The following CSNK1G2 variants were observed in gnomAD, a reference collection of about 807,000 sequenced individuals.
CSNK1G2 encodes casein kinase 1 gamma 2.
A neutral mutation model predicts 48.0 loss-of-function variants in CSNK1G2; 11 were observed. That is an observed-to-expected ratio of 0.23 (90% CI 0.14 to 0.38). The LOEUF is 0.38. Ranked by LOEUF, CSNK1G2 falls within the 10% of genes least tolerant of loss-of-function variation. The pLI is 1.00. For missense variants in CSNK1G2, 446 were observed against 595.5 expected, an observed-to-expected ratio of 0.75 and a Z score of 2.61; for synonymous variants, 337 against 254.1, an observed-to-expected ratio of 1.33 and a Z score of -3.10.
intron 1 of CSNK1G2, among the ~76,000 whole-genome samples, chr19:1,947,116 C>G (rs536400203): frequency 6.6e-6 from 1 of 152,162 alleles, no homozygotes; most frequent in Non-Finnish European, 1.5e-5. Flanking sequence ...AGCGGTGTTT[C>G]GTTGATGCGT....
chr19:1,975,221 C>A (rs763254443), intron 2 of CSNK1G2: 2 of 985,376 alleles, frequency 2.0e-6, no homozygotes, highest in Non-Finnish European at 2.4e-6. Flanking sequence ...CTGGGGAGGA[C>A]GTTGGCGAGC....
At chr19:1,943,011 C>G (rs1282409242) in intron 1 of CSNK1G2, among the ~76,000 whole-genome samples, 1 of 152,118 alleles carries the variant, frequency 6.6e-6, no homozygotes, top group African/African-American at 2.4e-5. Flanking sequence ...GCTCTGAGAG[C>G]CGCTCCTGCA....
rs142427867 is a variant in CSNK1G2, at chr19:1,956,748, C to T, written c.-265-12760C>T. 6.1e-3 allele frequency among the ~76,000 whole-genome samples: 930 copies of T among 152,136 alleles called. 9 individuals are homozygous for T. Among genetic ancestry groups the T allele is most frequent in the African/African-American group, 0.021 (892 of 41,504 alleles). ...GGTTACAGACTCCAGCATCGGGACA[C>T]GGGGCCGTGGGTCATACCCACATCC... On this transcript the variant is annotated intron_variant, in intron 1 of 11. Coordinates refer to ENST00000255641, the MANE Select transcript of CSNK1G2 (RefSeq NM_001319.7).
At chr19:1,953,586 C>CTTA (rs2014866061) in intron 1 of CSNK1G2, 3 of 467,476 alleles carry the variant, frequency 6.4e-6, no homozygotes, top group Non-Finnish European at 1.3e-5. Context: ...TGGTGTTTGC[C>CTTA]TTATGTGTCC....
In CSNK1G2 at chr19:1,958,800, C is replaced by T. The variant is rs770933059; in HGVS notation, c.-265-10708C>T. ...GTCCCCCTGTCCCCCCATCCAGGGC[C>T]GCAGCAGCCCAGCTCTCCCAGGCAC... On this transcript the variant is annotated intron_variant, in intron 1 of 11. Coordinates refer to ENST00000255641, the MANE Select transcript of CSNK1G2 (RefSeq NM_001319.7). Among the ~76,000 whole-genome samples the T allele has an allele frequency of 5.1e-3, 331 of 64,952 alleles. 3 individuals are homozygous for T. Among genetic ancestry groups the T allele is most frequent in the Middle Eastern group, 9.6e-3 (1 of 104 alleles). The allele number at this position is 64,952 out of a possible 152,430, so 42.6% of individuals were successfully genotyped here. A position where few individuals can be genotyped will look rare whatever the true frequency, so the allele number is the denominator to read the frequency against.
chr19:1,960,252 G>A (rs1321754985), intron 1 of CSNK1G2, among the ~76,000 whole-genome samples: 2 of 152,200 alleles, frequency 1.3e-5, no homozygotes, highest in African/African-American at 2.4e-5. Context: ...AGGTCCCCCG[G>A]ATGGCGCCTG....
rs138558858 is a variant in CSNK1G2 at position 1,979,263 on chromosome 19, C to G, written c.768+15C>G. ...AGGGGCTCAAGGTGGGCGAGGAGGC[C>G]GGGCAGGCGGGCGGGGACGCAGGGC... On this transcript the variant is annotated intron_variant, in intron 7 of 11. Coordinates refer to ENST00000255641, the MANE Select transcript of CSNK1G2 (RefSeq NM_001319.7). 2 of 1,562,788 alleles carry G rather than the reference C, an allele frequency of 1.3e-6. No individual in the cohort carries two copies. Among genetic ancestry groups the G allele is most frequent in the African/African-American group, 2.7e-5 (2 of 73,844 alleles).
chr19:1,978,658 C>G lies in CSNK1G2; in HGVS notation c.355C>G (p.Leu119Val). The G allele has an allele frequency of 3.7e-6, 6 of 1,606,974 alleles. No homozygotes were observed. Among genetic ancestry groups the G allele is most frequent in the Non-Finnish European group, 5.1e-6 (6 of 1,177,108 alleles). ...GPCGKYNAMV[L>V]ELLGPSLEDL... The stretch of plus-strand genomic sequence containing the variant: ...GTGCGGGAAGTACAACGCCATGGTG[C>G]TGGAGCTGCTGGGGCCCAGCCTGGA... Residue 119 changes from leucine (L) to valine (V), a missense_variant, in exon 5 of 12, where the codon CTG (leucine) becomes GTG (valine). Leu to Val is a conservative substitution (Grantham distance 32). This residue lies in a region of CSNK1G2 where 258 missense variants were observed against 415.9 expected (regional missense o/e 0.62). Coordinates refer to ENST00000255641, the MANE Select transcript of CSNK1G2 (RefSeq NM_001319.7). The surrounding 1 kb of genome is among the most constrained non-coding windows in gnomAD (Gnocchi z 7.3).
In CSNK1G2 at chr19:1,969,534, G is replaced by A; in HGVS notation, c.-239G>A. ...TGTGAGCCGTGAGCTTTGAGGCGGTGGGATGTGTCAGCAGAATGTCTCCTG... is the reference window on the plus strand; with the variant it reads ...TGTGAGCCGTGAGCTTTGAGGCGGTAGGATGTGTCAGCAGAATGTCTCCTG... On this transcript the variant is annotated 5_prime_UTR_variant, in exon 2 of 12. Transcript: ENST00000255641. 2.9e-6 allele frequency: 1 copy of A among 350,614 alleles called. No homozygotes were observed. Among genetic ancestry groups the A allele is most frequent in the Non-Finnish European group, 5.1e-6 (1 of 195,552 alleles). The allele number at this position is 350,614 out of a possible 1,614,324, so 21.7% of individuals were successfully genotyped here. A position where few individuals can be genotyped will look rare whatever the true frequency, so the allele number is the denominator to read the frequency against.
Position 1,979,761 on chromosome 19 carries a change from A to G in CSNK1G2, c.1012A>G (p.Ile338Val), listed in dbSNP as rs769126067. ...GCTCCCTCACCCACAGCCGACCCCC[A>G]TCGGCACCGTCCACACCGACCTGCC... is the stretch of plus-strand genomic sequence containing the variant. ...DWAGKPLPTP[I>V]GTVHTDLPSQ... The change falls in exon 10 of 12, where the codon ATC (isoleucine) becomes GTC (valine). Residue 338 changes from isoleucine (I) to valine (V), a missense_variant. Around this residue, in one of 2 missense-constraint regions of CSNK1G2, gnomAD observed 188 missense variants for 179.6 expected, o/e 1.05. Transcript: ENST00000255641. 4 of 1,605,992 alleles carry G rather than the reference A, an allele frequency of 2.5e-6. No homozygotes were observed. Among genetic ancestry groups the G allele is most frequent in the East Asian group, 4.5e-5 (2 of 44,778 alleles).
intron 1 of CSNK1G2, among the ~76,000 whole-genome samples, chr19:1,943,155 ATGT>A (rs1204291786): frequency 6.6e-6 from 1 of 152,070 alleles, no homozygotes; most frequent in Non-Finnish European, 1.5e-5. Context: ...ATGGGGTGAG[ATGT>A]TGGAGGAGCT....
At chr19:1,973,605 T>G (rs1316935264) in intron 2 of CSNK1G2, among the ~76,000 whole-genome samples, 1 of 152,268 alleles carries the variant, frequency 6.6e-6, no homozygotes, top group African/African-American at 2.4e-5. Context: ...TCTGCCTCTG[T>G]GCTCTCCTGG....
At chr19:1,962,433 G>A (rs561587437) in intron 1 of CSNK1G2, among the ~76,000 whole-genome samples, 3 of 152,164 alleles carry the variant, frequency 2.0e-5, no homozygotes, top group East Asian at 1.9e-4. Flanking sequence ...TTGGGAGGCC[G>A]AGGAGGGAGG....
chr19:1,949,445 C>T (rs759150633), intron 1 of CSNK1G2, among the ~76,000 whole-genome samples: 21 of 152,248 alleles, frequency 1.4e-4, no homozygotes, highest in Non-Finnish European at 2.5e-4. Context: ...GTGACACCCT[C>T]GGTGCATCCG....
rs2015984302 is a variant in CSNK1G2 at position 1,981,316 on chromosome 19, A to G, written c.*1113A>G. 1 of 152,182 alleles carries G rather than the reference A, an allele frequency of 6.6e-6. No individual in the cohort carries two copies. The highest frequency in any genetic ancestry group is 2.4e-5 in the African/African-American group (1 of 41,434). 9.4% of individuals were successfully genotyped at this position (152,182 alleles called of 1,614,324 possible). ...TAGAATTTAGGGGCTTTTTTAAAAA[A>G]ATAAAAGAAAAATGAAACCAAACCC... is the stretch of plus-strand genomic sequence containing the variant. On this transcript the variant is annotated 3_prime_UTR_variant, in exon 12 of 12. Coordinates refer to ENST00000255641, the MANE Select transcript of CSNK1G2 (RefSeq NM_001319.7).
Position 1,979,155 on chromosome 19 carries a change from C to T in CSNK1G2, c.683-8C>T, listed in dbSNP as rs951919122. The T allele has an allele frequency of 4.6e-6, 7 of 1,528,616 alleles. No individual in the cohort carries two copies. The South Asian group carries it at 4.9e-5, about 11-fold the overall frequency. The allele number at this position is 1,528,616 out of a possible 1,614,324, so 94.7% of individuals were successfully genotyped here. On this transcript the variant is annotated splice_polypyrimidine_tract_variant and splice_region_variant and intron_variant, in intron 6 of 11. Transcript: ENST00000255641. ...GACCCCGCTGAGGCTGCGCCCCTGT[C>T]CCCGCAGAGCAGAGCCGCCGCGACG...
At chr19:1,943,047 C>A (rs2014427722) in intron 1 of CSNK1G2, among the ~76,000 whole-genome samples, 2 of 152,180 alleles carry the variant, frequency 1.3e-5, no homozygotes, top group Admixed American at 6.5e-5. Context: ...GGGAGACCTG[C>A]ATGCAGGGGA....
intron 2 of CSNK1G2, chr19:1,974,850 T>G (rs1417971651): frequency 6.5e-6 from 1 of 153,796 alleles, no homozygotes; most frequent in African/African-American, 2.4e-5. Flanking sequence ...TCCTCCCTCC[T>G]GTGTGTCCCC....
At chr19:1,946,158 CTG>C (rs1222377835) in intron 1 of CSNK1G2, among the ~76,000 whole-genome samples, 1 of 152,166 alleles carries the variant, frequency 6.6e-6, no homozygotes, top group Non-Finnish European at 1.5e-5. Context: ...TGCCTCACGT[CTG>C]TGTCTCAGGC....
Sources: gnomAD v4.1 joint callset for allele counts (sites outside exome capture counted in the v4.1 genomes callset) on GRCh38, gnomAD v4.1.1 for gene constraint, gnomAD v4.1.1 regional missense constraint, Gnocchi (gnomAD v3.1) non-coding constraint, MANE v1.5 for transcripts, NCBI Gene and HGNC (gene_info 2026-07-23, HGNC 2026-07-21) for gene names.